The following FCHO1 variants were observed in gnomAD, a reference collection of about 807,000 sequenced individuals.
The protein encoded by FCHO1 is F-BAR domain only protein 1.
A neutral mutation model predicts 114.4 loss-of-function variants in FCHO1; 45 were observed. That is an observed-to-expected ratio of 0.39 (90% CI 0.31 to 0.50). The LOEUF (loss-of-function observed/expected upper bound fraction) is 0.50. FCHO1 is among the 20% of genes least tolerant of loss of function. The pLI is 0.77. For synonymous variants in FCHO1, 480 were observed against 488.9 expected, an observed-to-expected ratio of 0.98 and a Z score of 0.24; for missense variants, 1,042 against 1,209.6, an observed-to-expected ratio of 0.86 and a Z score of 2.06.
At chr19:17,769,872 A>G (rs1282062890) in intron 7 of FCHO1, among the ~76,000 whole-genome samples, 1 of 152,162 alleles carries the variant, frequency 6.6e-6, no homozygotes, top group Admixed American at 6.6e-5. Context: ...TTTGAAATGA[A>G]AAACGTACAG....
At chr19:17,786,809 T>C (rs1006204362) in intron 27 of FCHO1, among the ~76,000 whole-genome samples, 180 bp downstream of exon 27, 5 of 151,676 alleles carry the variant, frequency 3.3e-5, no homozygotes, top group Admixed American at 1.3e-4. Flanking sequence ...TCCCAGTGCT[T>C]TGGGAGGCCC....
chr19:17,756,678 C>T (rs1399398441), intron 4 of FCHO1, among the ~76,000 whole-genome samples: 4 of 152,184 alleles, frequency 2.6e-5, no homozygotes, highest in Non-Finnish European at 4.4e-5. Flanking sequence ...CCACACACCC[C>T]CAGACTCAGG....
chr19:17,783,306 G>C, intron 24 of FCHO1, 134 bp downstream of exon 24: 4 of 983,306 alleles, frequency 4.1e-6, no homozygotes, highest in Non-Finnish European at 4.3e-6. Context: ...TTGCTCTGTC[G>C]CCCAGGCTGG....
chr19:17,788,073 C>T (rs1380300151), intron 28 of FCHO1, among the ~76,000 whole-genome samples: 5 of 152,018 alleles, frequency 3.3e-5, no homozygotes, highest in African/African-American at 1.2e-4. Context: ...CCAGGGAGCC[C>T]GAAGTCCCCC....
chr19:17,769,503 C>T (rs1005745101), intron 7 of FCHO1, among the ~76,000 whole-genome samples: 43 of 151,698 alleles, frequency 2.8e-4, no homozygotes, highest in Middle Eastern at 3.4e-3. Flanking sequence ...GGCGTGAACC[C>T]GGGAGGCGGA....
chr19:17,754,255 G>C (rs1893123986), intron 1 of FCHO1, 62 bp from the exon 2 acceptor site: 1 of 152,348 alleles, frequency 6.6e-6, no homozygotes, highest in South Asian at 2.1e-4. Context: ...CCAGCCTCTT[G>C]TGCAGAGACA....
At position 17,784,008 on chromosome 19, in the gene FCHO1, A is replaced by G. The variant is rs2093656568; in HGVS notation, c.2094-95A>G. The G allele has an allele frequency of 1.4e-6, 2 of 1,472,494 alleles. No individual in the cohort carries two copies. The highest frequency in any genetic ancestry group is 2.6e-5 in the South Asian group (2 of 76,908). The allele number at this position is 1,472,494 out of a possible 1,614,324, so 91.2% of individuals were successfully genotyped here. A position where few individuals can be genotyped will look rare whatever the true frequency, so the allele number is the denominator to read the frequency against. On this transcript the variant is annotated intron_variant, in intron 24 of 28. Coordinates refer to ENST00000596536, the MANE Select transcript of FCHO1 (RefSeq NM_015122.3). The surrounding 1 kb of genome is among the most constrained non-coding windows in gnomAD (Gnocchi z 5.3). Reference sequence around the variant, plus strand: ...GGCTTTGCTGGGCCCAGGGTGGGCCAGGAAATTGCATCTTTAGGAAGGGGT... The same window carrying G: ...GGCTTTGCTGGGCCCAGGGTGGGCCGGGAAATTGCATCTTTAGGAAGGGGT...
intron 4 of FCHO1, among the ~76,000 whole-genome samples, chr19:17,759,907 G>C (rs1282000114): frequency 1.3e-5 from 2 of 152,032 alleles, no homozygotes; most frequent in African/African-American, 2.4e-5. Flanking sequence ...GTTTTCTGTA[G>C]ATGGTCATAT....
At chr19:17,757,515 A>G (rs969406723) in intron 4 of FCHO1, among the ~76,000 whole-genome samples, 2 of 152,190 alleles carry the variant, frequency 1.3e-5, no homozygotes, top group African/African-American at 4.8e-5. Flanking sequence ...TTGTCACACA[A>G]GGAAGGAAAC....
intron 4 of FCHO1, among the ~76,000 whole-genome samples, chr19:17,761,633 C>CATATATATATGTAT (rs1555717014): frequency 1.4e-5 from 2 of 142,680 alleles, no homozygotes; most frequent in Non-Finnish European, 3.0e-5. Context: ...CATGTATATA[C>CATATATATATGTAT]ATATATATAT....
In FCHO1 at chr19:17,762,753, C is replaced by G. The variant is rs950910281; in HGVS notation, c.28-9C>G. On this transcript the variant is annotated splice_polypyrimidine_tract_variant and intron_variant, in intron 4 of 28. Transcript: ENST00000596536. Reference sequence around the variant, plus strand: ...ATCCTTTCTCAATCTCTATTCCCATCCCCTGCAGGGCGAGAAAAATCATGG... The same window carrying G: ...ATCCTTTCTCAATCTCTATTCCCATGCCCTGCAGGGCGAGAAAAATCATGG... The G allele has an allele frequency of 6.2e-7, 1 of 1,601,674 alleles. No homozygotes were observed. The highest frequency in any genetic ancestry group is 2.2e-5 in the East Asian group (1 of 44,814).
At chr19:17,787,138 C>T (rs1175565256) in intron 27 of FCHO1, among the ~76,000 whole-genome samples, 1 of 142,310 alleles carries the variant, frequency 7.0e-6, no homozygotes, top group Non-Finnish European at 1.5e-5. Context: ...GCAGGAGAAT[C>T]GCTTGAACCC....
rs548583628 is a variant in FCHO1 at position 17,771,332 on chromosome 19, C to A, written c.594+436C>A. ...TTTTTCAAGTTACAAGTGATAGAAG[C>A]CTTCATTCAAACCGACAGGTGTATA... On this transcript the variant is annotated intron_variant, in intron 9 of 28. Transcript: ENST00000596536. 2.7e-5 allele frequency among the ~76,000 whole-genome samples: 4 copies of A among 149,644 alleles called. No individual in the cohort carries two copies. The East Asian group carries it at 7.8e-4, about 29-fold the overall frequency.
chr19:17,750,552 G>A (rs2081631980), upstream of FCHO1, among the ~76,000 whole-genome samples: 1 of 151,030 alleles, frequency 6.6e-6, no homozygotes, highest in African/African-American at 2.4e-5. Flanking sequence ...TCCATCTCCT[G>A]GGTTCAAGCG....
In FCHO1 at chr19:17,752,084, C is replaced by G. The variant is rs527575852; in HGVS notation, c.-183+507C>G. Among the ~76,000 whole-genome samples the G allele has an allele frequency of 7.9e-5, 12 of 152,220 alleles. No homozygotes were observed. In the East Asian group the frequency reaches 2.3e-3, roughly 29 times the overall value. On this transcript the variant is annotated intron_variant, in intron 1 of 28. Coordinates refer to ENST00000596536, the MANE Select transcript of FCHO1 (RefSeq NM_015122.3). ...AAACTGTGAAAACAGTAGTGAGATT[C>G]TTGGTTTCTGGGGAACTTGGGCTCC...
intron 20 of FCHO1, 142 bp downstream of exon 20, chr19:17,779,026 CAAT>C (rs1472858467): frequency 2.2e-6 from 2 of 908,270 alleles, no homozygotes; most frequent in East Asian, 2.8e-5. Flanking sequence ...GCAGGGACAA[CAAT>C]GAGATGGACA....
chr19:17,774,335 G>T (rs765702630), intron 12 of FCHO1, 52 bp downstream of exon 12: 24 of 1,612,696 alleles, frequency 1.5e-5, no homozygotes, highest in Non-Finnish European at 2.0e-5. Flanking sequence ...GGTGAGGGAG[G>T]CTGATCTGAA....
At position 17,781,098 on chromosome 19, in the gene FCHO1, C is replaced by G. The variant is rs1599758977; in HGVS notation, c.1628-133C>G. 1.1e-5 allele frequency: 7 copies of G among 654,370 alleles called. No individual in the cohort carries two copies. In the East Asian group the frequency reaches 1.8e-4, roughly 17 times the overall value. The allele number at this position is 654,370 out of a possible 1,614,324, so 40.5% of individuals were successfully genotyped here. On this transcript the variant is annotated intron_variant, in intron 20 of 28. Transcript: ENST00000596536. ...CTGTCTGGCACCTTTTCTGCAACAC[C>G]AGGACTTCAGACCCATTGGGGGTCT...
intron 9 of FCHO1, among the ~76,000 whole-genome samples, chr19:17,771,123 G>C (rs1445231963): frequency 6.6e-6 from 1 of 151,986 alleles, no homozygotes; most frequent in Non-Finnish European, 1.5e-5. Context: ...CGTAGTGGCA[G>C]GTGCCTGTAA....
Sources: allele counts gnomAD v4.1 joint callset (sites outside exome capture counted in the v4.1 genomes callset), GRCh38; gene constraint gnomAD v4.1.1; non-coding constraint Gnocchi (gnomAD v3.1); transcripts MANE v1.5; gene names NCBI Gene and HGNC (gene_info 2026-07-23, HGNC 2026-07-21).